The following VWA2 variants were observed in gnomAD, a reference collection of about 807,000 sequenced individuals.
VWA2 encodes von Willebrand factor A domain containing 2, also known as von Willebrand factor A domain-containing protein 2.
Under a neutral mutation model 70.4 loss-of-function variants are expected in VWA2, and 73 were observed. The ratio of observed to expected loss-of-function variants is 1.04; its 90% CI spans 0.86 to 1.26. The LOEUF (loss-of-function observed/expected upper bound fraction) is 1.26, where lower values mean the gene tolerates loss of function less well. Ranked by LOEUF, VWA2 falls within the 50% of genes most tolerant of loss-of-function variation. The probability of loss-of-function intolerance (pLI) is 0.00; values close to 1 mark genes in which losing one functional copy is unlikely to be tolerated. For missense variants in VWA2, 1,011 were observed against 998.5 expected (o/e 1.01, Z -0.17); for synonymous variants, 407 against 423.3 (o/e 0.96, Z 0.47).
intron 4 of VWA2, among the ~76,000 whole-genome samples, 171 bp downstream of exon 4, chr10:114,255,219 G>T (rs1420829320): frequency 6.6e-6 from 1 of 151,810 alleles, no homozygotes; most frequent in Non-Finnish European, 1.5e-5. Flanking sequence ...AGGCTATAAG[G>T]CATCTTTTTC....
chr10:114,284,898 A>G lies in VWA2; in HGVS notation c.925A>G (p.Thr309Ala), dbSNP rs770081027. The G allele has an allele frequency of 1.9e-6, 3 of 1,607,254 alleles. No individual in the cohort carries two copies. Among genetic ancestry groups the G allele is most frequent in the Non-Finnish European group, 2.5e-6 (3 of 1,177,948 alleles). Reference protein sequence around the residue: ...CDSQPCQNGGTCVPEGLDGYQ... With the variant: ...CDSQPCQNGGACVPEGLDGYQ... ...CTCGCAGCCCTGCCAGAATGGAGGC[A>G]CATGTGTTCCAGAAGGACTGGACGG... is the stretch of plus-strand genomic sequence containing the variant. Residue 309 changes from threonine (T) to alanine (A), a missense_variant, in exon 10 of 14, where the codon ACA (threonine) becomes GCA (alanine). Transcript: ENST00000392982.
chr10:114,286,643 C>T (rs2038939508), intron 11 of VWA2, 132 bp downstream of exon 11: 2 of 716,858 alleles, frequency 2.8e-6, no homozygotes, highest in Admixed American at 6.4e-5. Flanking sequence ...CTCTTTCAGG[C>T]ACCAGTCACA....
At chr10:114,258,794 T>C (rs1429488048) in intron 4 of VWA2, among the ~76,000 whole-genome samples, 2 of 152,236 alleles carry the variant, frequency 1.3e-5, no homozygotes, top group Non-Finnish European at 2.9e-5. Flanking sequence ...GCAATATGAA[T>C]AAATATTCTT....
At chr10:114,275,577 G>GT (rs926245870) in intron 6 of VWA2, among the ~76,000 whole-genome samples, 6 of 151,754 alleles carry the variant, frequency 4.0e-5, no homozygotes, top group South Asian at 2.1e-4. Flanking sequence ...CCAGTATTTT[G>GT]TTTTTTTGGT....
intron 11 of VWA2, among the ~76,000 whole-genome samples, chr10:114,287,130 C>G (rs919901881): frequency 2.6e-5 from 4 of 152,244 alleles, no homozygotes; most frequent in East Asian, 1.9e-4. Context: ...CTAGAGAACA[C>G]TGTCCCCACG....
chr10:114,280,802 A>T (rs2038050277), intron 8 of VWA2: 1 of 152,202 alleles, frequency 6.6e-6, no homozygotes, highest in South Asian at 2.1e-4. Flanking sequence ...ACAGTGGCAG[A>T]ATCATGGCTT....
Position 114,290,299 on chromosome 10 carries a change from G to C in VWA2, c.2182G>C (p.Val728Leu), listed in dbSNP as rs45560935. The C allele has an allele frequency of 6.8e-3, 10,596 of 1,550,596 alleles. 51 individuals carry two copies. Among genetic ancestry groups the C allele is most frequent in the Non-Finnish European group, 8.3e-3 (9,528 of 1,146,980 alleles). Reference sequence around the variant, plus strand: ...CCCGTGCATGAATGAGGGCAGCTGCGTCCTGCAGAATGGGAGCTACCGCTG... The same window carrying C: ...CCCGTGCATGAATGAGGGCAGCTGCCTCCTGCAGAATGGGAGCTACCGCTG... The part of the protein sequence containing the change: ...PSPCMNEGSC[V>L]LQNGSYRCKC... The change falls in exon 13 of 14, where the codon GTC (valine) becomes CTC (leucine). Residue 728 changes from valine to leucine, a missense_variant. By Grantham distance (32) the Val-to-Leu change is conservative. Coordinates refer to ENST00000392982, the MANE Select transcript of VWA2 (RefSeq NM_001272046.2).
intron 6 of VWA2, 43 bp from the exon 7 acceptor site, chr10:114,277,871 G>A (rs560483043): frequency 5.8e-6 from 9 of 1,564,180 alleles, no homozygotes; most frequent in Admixed American, 1.7e-5. Context: ...GGCAGGAGGA[G>A]GGTGGGTATA....
Position 114,286,428 on chromosome 10 carries a change from A to G in VWA2, c.1487A>G (p.His496Arg). 1 of 1,613,700 alleles carries G rather than the reference A, an allele frequency of 6.2e-7. No homozygotes were observed. The highest frequency in any genetic ancestry group is 8.5e-7 in the Non-Finnish European group (1 of 1,179,920). ...GAGGAGATCACAGGCAGCCCAAAGCATGTGATGGTCTACTCGGATCCTCAG... is the reference window on the plus strand; with the variant it reads ...GAGGAGATCACAGGCAGCCCAAAGCGTGTGATGGTCTACTCGGATCCTCAG... ...ELEEITGSPK[H>R]VMVYSDPQDL... The change falls in exon 11 of 14, where the codon CAT becomes CGT. Residue 496 changes from histidine (H) to arginine (R), a missense_variant. Coordinates refer to ENST00000392982, the MANE Select transcript of VWA2 (RefSeq NM_001272046.2).
intron 9 of VWA2, 113 bp downstream of exon 9, chr10:114,282,684 G>A (rs1380518391): frequency 1.1e-6 from 1 of 898,734 alleles, no homozygotes; most frequent in African/African-American, 1.6e-5. Context: ...CTGGCTCCAG[G>A]GCAGAGGGAT....
At chr10:114,263,223 C>T (rs1292561590) in intron 5 of VWA2, among the ~76,000 whole-genome samples, 1 of 152,006 alleles carries the variant, frequency 6.6e-6, no homozygotes, top group African/African-American at 2.4e-5. Context: ...CCATGTTGCC[C>T]AGGCTGGTCT....
chr10:114,265,100 C>T (rs966896967), intron 5 of VWA2, among the ~76,000 whole-genome samples: 8 of 152,100 alleles, frequency 5.3e-5, no homozygotes, highest in Non-Finnish European at 1.2e-4. Context: ...CAGGGGCTGA[C>T]GGGAATGAGG....
At position 114,291,472 on chromosome 10, in the gene VWA2, G is replaced by A; in HGVS notation, c.*235G>A. Reference sequence around the variant, plus strand: ...GCTGATGTCACCCACAAACGATGTTGTTGAAAAGTTTTGATGTGTAAGTAA... The same window carrying A: ...GCTGATGTCACCCACAAACGATGTTATTGAAAAGTTTTGATGTGTAAGTAA... On this transcript the variant is annotated 3_prime_UTR_variant, in exon 14 of 14. Coordinates refer to ENST00000392982, the MANE Select transcript of VWA2 (RefSeq NM_001272046.2). The A allele has an allele frequency of 1.9e-6, 1 of 530,624 alleles. No homozygotes were observed. The highest frequency in any genetic ancestry group is 3.3e-6 in the Non-Finnish European group (1 of 306,062). 32.9% of individuals were successfully genotyped at this position (530,624 alleles called of 1,614,324 possible). A position where few individuals can be genotyped will look rare whatever the true frequency, so the allele number is the denominator to read the frequency against.
intron 6 of VWA2, among the ~76,000 whole-genome samples, chr10:114,275,273 A>G (rs2037809477): frequency 6.6e-6 from 1 of 152,294 alleles, no homozygotes; most frequent in Middle Eastern, 3.4e-3. Flanking sequence ...CATCATTGTC[A>G]TCAATCATTG....
chr10:114,245,601 T>G (rs1589735419), intron 1 of VWA2, among the ~76,000 whole-genome samples: 1 of 150,848 alleles, frequency 6.6e-6, no homozygotes, highest in South Asian at 2.1e-4. Context: ...TGGTGTGGAG[T>G]AAGAGGGAAA....
chr10:114,289,396 AG>A lies in VWA2; in HGVS notation c.2031del (p.Arg677SerfsTer9), dbSNP rs757300770. The A allele has an allele frequency of 6.2e-6, 10 of 1,614,154 alleles. No individual in the cohort carries two copies. Among genetic ancestry groups the A allele is most frequent in the Non-Finnish European group, 8.5e-6 (10 of 1,180,026 alleles). The part of the protein sequence containing the change: ...VGPVLSEGLR[R>X]LAGPRDSLIH... ...GCCTGTCCTAAGTGAGGGTCTGCGG[AG>A]GCTTGCAGGTCCCCGGGATTCCCTG... On this transcript the variant is annotated frameshift_variant, in exon 12 of 14. Transcript: ENST00000392982. LOFTEE classifies it high-confidence loss of function.
chr10:114,261,215 C>G lies in VWA2; in HGVS notation c.291C>G (p.Ser97=), dbSNP rs71484937. The G allele has an allele frequency of 0.072, 115,742 of 1,613,312 alleles. 4,783 individuals are homozygous for G. Among genetic ancestry groups the G allele is most frequent in the Non-Finnish European group, 0.084 (99,042 of 1,179,264 alleles). ...RVRVGAFQFS[S]TPHLEFPLDS... ...GAGTGGGAGCATTCCAGTTCAGTTC[C>G]ACTCCTCATCTGGAATTCCCCTTGG... The change falls in exon 5 of 14, where the codon TCC becomes TCG. Residue 97 remains serine (S), a synonymous_variant. Transcript: ENST00000392982.
At chr10:114,252,041 A>G (rs914501525) in intron 2 of VWA2, among the ~76,000 whole-genome samples, 1 of 152,026 alleles carries the variant, frequency 6.6e-6, no homozygotes, top group African/African-American at 2.4e-5. Context: ...CCCTGACCTC[A>G]GGTGATCCAC....
chr10:114,258,952 T>C (rs1458464080), intron 4 of VWA2, among the ~76,000 whole-genome samples: 1 of 152,252 alleles, frequency 6.6e-6, no homozygotes, highest in Non-Finnish European at 1.5e-5. Context: ...TCATAAGGAT[T>C]TCTCCAGGTC....
Sources: gnomAD v4.1 joint callset for allele counts (sites outside exome capture counted in the v4.1 genomes callset) on GRCh38, gnomAD v4.1.1 for gene constraint, MANE v1.5 for transcripts, NCBI Gene and HGNC (gene_info 2026-07-23, HGNC 2026-07-21) for gene names.